KCNIP4: variants seen among roughly 807,000 people sequenced by gnomAD.
KCNIP4 encodes potassium voltage-gated channel interacting protein 4.
A neutral mutation model predicts 34.0 loss-of-function variants in KCNIP4; 12 were observed. That is an observed-to-expected ratio of 0.35 (90% CI 0.23 to 0.57). The LOEUF is 0.57. Ranked by LOEUF, KCNIP4 falls within the 20% of genes least tolerant of loss-of-function variation. The pLI is 0.83. For synonymous variants in KCNIP4, 124 were observed against 102.2 expected (o/e 1.21, Z -1.29); for missense variants, 238 against 311.7 (o/e 0.76, Z 1.78).
chr4:21,331,108 T>A (rs906821533), intron 1 of KCNIP4, among the ~76,000 whole-genome samples: 1 of 152,130 alleles, frequency 6.6e-6, no homozygotes, highest in Non-Finnish European at 1.5e-5. Flanking sequence ...GTTAATTGAG[T>A]CTTTCGTTTT....
chr4:21,736,345 C>G (rs1170471138), intron 1 of KCNIP4, among the ~76,000 whole-genome samples: 2 of 152,166 alleles, frequency 1.3e-5, no homozygotes, highest in African/African-American at 2.4e-5. Context: ...ATCCTTCCAT[C>G]TGTCCTCTGT....
intron 3 of KCNIP4, among the ~76,000 whole-genome samples, chr4:20,832,066 T>G (rs1288817222): frequency 2.6e-5 from 4 of 152,212 alleles, no homozygotes; most frequent in Non-Finnish European, 5.9e-5. Context: ...TACTTTTTTT[T>G]TCATGAAGAG....
At chr4:21,399,369 T>A (rs1723276044) in intron 1 of KCNIP4, among the ~76,000 whole-genome samples, 1 of 152,198 alleles carries the variant, frequency 6.6e-6, no homozygotes, top group African/African-American at 2.4e-5. Context: ...GCAGGCATTG[T>A]CTGCAACCAC....
intron 1 of KCNIP4, among the ~76,000 whole-genome samples, chr4:21,671,262 GCAAA>G (rs1441773492): frequency 6.6e-6 from 1 of 152,128 alleles, no homozygotes; most frequent in African/African-American, 2.4e-5. Flanking sequence ...GGCTATGAAG[GCAAA>G]CAAACATTCT....
At chr4:21,689,748 T>A (rs1751106557) in intron 1 of KCNIP4, among the ~76,000 whole-genome samples, 1 of 152,092 alleles carries the variant, frequency 6.6e-6, no homozygotes, top group Non-Finnish European at 1.5e-5. Flanking sequence ...AACGATGAAA[T>A]GCTCCCTTAT....
At position 20,850,615 on chromosome 4, in the gene KCNIP4, G is replaced by C. The variant is rs199699219; in HGVS notation, c.216C>G (p.Ala72=). 23 of 1,612,598 alleles carry C rather than the reference G, an allele frequency of 1.4e-5. No individual in the cohort carries two copies. The Admixed American group carries it at 3.2e-4, about 22-fold the overall frequency. Residue 72 remains alanine (A), a synonymous_variant, in exon 3 of 9, where the codon GCC becomes GCG. Coordinates refer to ENST00000382152, the MANE Select transcript of KCNIP4 (RefSeq NM_025221.6). ...TGCTCTGGGCTTCCAGAAGCTCAAG[G>C]GCTTCAGGCCGATGCCTGACGGTGG... ...EMATVRHRPE[A]LELLEAQSKF...
At chr4:21,842,071 G>C (rs560274952) in intron 1 of KCNIP4, among the ~76,000 whole-genome samples, 12 of 152,072 alleles carry the variant, frequency 7.9e-5, no homozygotes, top group Non-Finnish European at 1.8e-4. Flanking sequence ...TGCTGAAAAA[G>C]TAAAATGCTT....
chr4:21,369,570 C>T (rs1217847715), intron 1 of KCNIP4, among the ~76,000 whole-genome samples: 1 of 146,836 alleles, frequency 6.8e-6, no homozygotes, highest in Admixed American at 6.6e-5. Flanking sequence ...ACACTCCAGC[C>T]TGGGTGCCAG....
intron 1 of KCNIP4, among the ~76,000 whole-genome samples, chr4:21,671,023 T>C (rs1049805456): frequency 6.6e-6 from 1 of 152,048 alleles, no homozygotes; most frequent in East Asian, 1.9e-4. Context: ...TCATTCTCTT[T>C]CTTTTAATAA....
At chr4:20,918,358 T>C (rs975472416) in intron 1 of KCNIP4, among the ~76,000 whole-genome samples, 10 of 152,158 alleles carry the variant, frequency 6.6e-5, no homozygotes, top group African/African-American at 2.4e-4. Flanking sequence ...ACATACTTGA[T>C]AATAATTGGT....
At position 21,167,460 on chromosome 4, in the gene KCNIP4, A is replaced by G. The variant is rs1753712871; in HGVS notation, c.62-284751T>C. 2.6e-5 allele frequency among the ~76,000 whole-genome samples: 4 copies of G among 152,198 alleles called. No individual in the cohort carries two copies. In the South Asian group the frequency reaches 8.3e-4, roughly 31 times the overall value. On this transcript the variant is annotated intron_variant, in intron 1 of 8. Coordinates refer to ENST00000382152, the MANE Select transcript of KCNIP4 (RefSeq NM_025221.6). ...TGCATCGAATTCTCTGCTTCCTATC[A>G]TTTAGTCAACCATTTGCAGAGGCCT...
At chr4:20,961,335 A>G (rs1733828692) in intron 1 of KCNIP4, among the ~76,000 whole-genome samples, 1 of 152,192 alleles carries the variant, frequency 6.6e-6, no homozygotes. Flanking sequence ...TTATCCAGCC[A>G]CCATCCTAAT....
At chr4:21,416,747 T>A (rs1328714409) in intron 1 of KCNIP4, among the ~76,000 whole-genome samples, 1 of 152,120 alleles carries the variant, frequency 6.6e-6, no homozygotes, top group Non-Finnish European at 1.5e-5. Flanking sequence ...AATACATAAG[T>A]TTATTGAGGT....
intron 1 of KCNIP4, among the ~76,000 whole-genome samples, chr4:21,927,040 A>G (rs1729286463): frequency 6.6e-6 from 1 of 152,188 alleles, no homozygotes; most frequent in Non-Finnish European, 1.5e-5. Flanking sequence ...GGCTCTAGGA[A>G]AGAACTCATT....
At chr4:21,048,323 A>C (rs1006358670) in intron 1 of KCNIP4, among the ~76,000 whole-genome samples, 7 of 152,158 alleles carry the variant, frequency 4.6e-5, no homozygotes, top group African/African-American at 1.7e-4. Flanking sequence ...TGACAAGAAG[A>C]GATGGAAGAG....
At position 21,381,865 on chromosome 4, in the gene KCNIP4, G is replaced by A. The variant is rs116394406; in HGVS notation, c.62-499156C>T. ...ACGCCCTGGAGATACAGCAGTGAGC[G>A]CAAAGAGACCCAGTAACTCCCACAT... On this transcript the variant is annotated intron_variant, in intron 1 of 8. Coordinates refer to ENST00000382152, the MANE Select transcript of KCNIP4 (RefSeq NM_025221.6). 3.7e-3 allele frequency among the ~76,000 whole-genome samples: 561 copies of A among 152,196 alleles called. 2 individuals carry two copies. The highest frequency in any genetic ancestry group is 0.012 in the African/African-American group (504 of 41,538).
intron 1 of KCNIP4, among the ~76,000 whole-genome samples, chr4:21,207,266 G>A (rs1385226970): frequency 6.6e-6 from 1 of 152,148 alleles, no homozygotes; most frequent in Non-Finnish European, 1.5e-5. Flanking sequence ...GATGAGCTTG[G>A]AAAAGGAGAA....
At chr4:21,054,356 C>T (rs768663187) in intron 1 of KCNIP4, among the ~76,000 whole-genome samples, 2 of 151,408 alleles carry the variant, frequency 1.3e-5, no homozygotes, top group Admixed American at 6.6e-5. Context: ...CCGTCTCTAC[C>T]GAAAATACAA....
chr4:20,760,348 G>T (rs1177612791), intron 3 of KCNIP4, among the ~76,000 whole-genome samples: 1 of 152,142 alleles, frequency 6.6e-6, no homozygotes, highest in Non-Finnish European at 1.5e-5. Flanking sequence ...CTCTAAATTT[G>T]ATACTGTTTC....
Sources: gnomAD v4.1 joint callset for allele counts (sites outside exome capture counted in the v4.1 genomes callset) on GRCh38, gnomAD v4.1.1 for gene constraint, MANE v1.5 for transcripts, NCBI Gene and HGNC (gene_info 2026-07-23, HGNC 2026-07-21) for gene names.